Variants in PDE3A observed in about 807,000 individuals in gnomAD.
PDE3A encodes phosphodiesterase 3A, also known as cGMP-inhibited 3',5'-cyclic phosphodiesterase 3A.
A neutral mutation model predicts 98.3 loss-of-function variants in PDE3A; 43 were observed. The ratio of observed to expected loss-of-function variants is 0.44; its 90% CI spans 0.34 to 0.56. PDE3A has a LOEUF of 0.56. PDE3A is among the 20% of genes least tolerant of loss of function. PDE3A has a pLI of 0.01. For missense variants in PDE3A, 1,427 were observed against 1,440.7 expected, an observed-to-expected ratio of 0.99 and a Z score of 0.15; for synonymous variants, 663 against 567.9, an observed-to-expected ratio of 1.17 and a Z score of -2.38.
At chr12:20,471,761 A>AT (rs896687130) in intron 1 of PDE3A, among the ~76,000 whole-genome samples, 3 of 152,132 alleles carry the variant, frequency 2.0e-5, no homozygotes, top group Non-Finnish European at 4.4e-5. Flanking sequence ...TGGGTTTTAG[A>AT]TTTTATACCA....
intron 1 of PDE3A, among the ~76,000 whole-genome samples, chr12:20,396,230 C>T (rs1444639): frequency 0.51 from 77,422 of 151,990 alleles, 20,801 homozygotes; most frequent in Non-Finnish European, 0.59. Flanking sequence ...AAGGTTACCC[C>T]TTTTTGCTGG....
chr12:20,562,859 T>C (rs1942563671), intron 2 of PDE3A, among the ~76,000 whole-genome samples: 1 of 152,188 alleles, frequency 6.6e-6, no homozygotes, highest in Non-Finnish European at 1.5e-5. Context: ...AAATTCTGGT[T>C]TGTATGATTC....
At chr12:20,461,510 A>AAT (rs1277069984) in intron 1 of PDE3A, among the ~76,000 whole-genome samples, 1 of 152,184 alleles carries the variant, frequency 6.6e-6, no homozygotes, top group African/African-American at 2.4e-5. Context: ...TGGAAGCAGT[A>AAT]ATATATATAG....
chr12:20,487,909 A>G (rs1945759421), intron 1 of PDE3A, among the ~76,000 whole-genome samples: 1 of 152,170 alleles, frequency 6.6e-6, no homozygotes, highest in South Asian at 2.1e-4. Context: ...TTTTTCACAC[A>G]GTTTTTAATA....
At chr12:20,675,148 A>G (rs538136452) in intron 15 of PDE3A, among the ~76,000 whole-genome samples, 1 of 152,016 alleles carries the variant, frequency 6.6e-6, no homozygotes, top group South Asian at 2.1e-4. Context: ...TTATTGATTT[A>G]TTCCTTAATT....
chr12:20,412,110 G>C (rs1012772103), intron 1 of PDE3A, among the ~76,000 whole-genome samples: 1 of 152,098 alleles, frequency 6.6e-6, no homozygotes, highest in Non-Finnish European at 1.5e-5. Context: ...TTAGTTACAC[G>C]TGTAATTTTA....
intron 1 of PDE3A, among the ~76,000 whole-genome samples, chr12:20,527,806 A>C (rs2121175014): frequency 6.6e-6 from 1 of 152,028 alleles, no homozygotes; most frequent in East Asian, 1.9e-4. Context: ...CAGGGGCAAA[A>C]CTTTTTTCCC....
At chr12:20,478,103 T>C (rs900090136) in intron 1 of PDE3A, among the ~76,000 whole-genome samples, 12 of 152,334 alleles carry the variant, frequency 7.9e-5, no homozygotes, top group African/African-American at 2.6e-4. Context: ...TTACAGTATT[T>C]ATAATAATAA....
intron 14 of PDE3A, 97 bp from the exon 15 acceptor site, chr12:20,653,850 C>CA (rs1366491656): frequency 7.9e-7 from 1 of 1,258,776 alleles, no homozygotes; most frequent in African/African-American, 1.5e-5. Flanking sequence ...CTTTAGCTGT[C>CA]AAGTAAAGAA....
At chr12:20,403,336 TGTGGTTA>T (rs1483702603) in intron 1 of PDE3A, among the ~76,000 whole-genome samples, 10 of 152,192 alleles carry the variant, frequency 6.6e-5, no homozygotes, top group African/African-American at 2.4e-4. Flanking sequence ...TCCGGTGTGG[TGTGGTTA>T]GCAGGTATCT....
In PDE3A at chr12:20,618,691, G is replaced by T. The variant is rs11045333; in HGVS notation, c.1424+2307G>T. ...AGGGGAACTATGACATAATTGGAGG[G>T]GTAAATTAGATGGAAGAATACAAGT... is the stretch of plus-strand genomic sequence containing the variant. On this transcript the variant is annotated intron_variant, in intron 4 of 15. Coordinates refer to ENST00000359062, the MANE Select transcript of PDE3A (RefSeq NM_000921.5). Among the ~76,000 whole-genome samples the T allele has an allele frequency of 6.2e-4, 95 of 152,002 alleles. 1 individual carries two copies. The East Asian group carries it at 0.015, about 25-fold the overall frequency.
At position 20,626,879 on chromosome 12, in the gene PDE3A, T is replaced by C. The variant is rs183772591; in HGVS notation, c.1541-3029T>C. Among the ~76,000 whole-genome samples the C allele has an allele frequency of 1.3e-3, 201 of 152,294 alleles. 1 individual carries two copies. The highest frequency in any genetic ancestry group is 2.4e-3 in the Non-Finnish European group (160 of 68,030). The stretch of plus-strand genomic sequence containing the variant: ...TTCTCTCTTACAGGTTTATTTTAAA[T>C]TTCATCCCAGGCAGTAAATTTGATG... On this transcript the variant is annotated intron_variant, in intron 5 of 15. Transcript: ENST00000359062.
At chr12:20,526,671 GTGAA>G (rs763436091) in intron 1 of PDE3A, among the ~76,000 whole-genome samples, 89 of 151,920 alleles carry the variant, frequency 5.9e-4, no homozygotes, top group Admixed American at 2.9e-3. Flanking sequence ...TTTTTGAAAA[GTGAA>G]TGGATGCCAG....
chr12:20,379,454 G>C (rs564409800), intron 1 of PDE3A, among the ~76,000 whole-genome samples: 3 of 151,730 alleles, frequency 2.0e-5, no homozygotes, highest in African/African-American at 7.2e-5. Flanking sequence ...TTGAGAATTT[G>C]CTTTCTAGTC....
intron 1 of PDE3A, among the ~76,000 whole-genome samples, chr12:20,412,093 A>G (rs1944344340): frequency 1.3e-5 from 2 of 152,132 alleles, no homozygotes; most frequent in African/African-American, 4.8e-5. Flanking sequence ...AGCCCTGTAT[A>G]GTTCACTTAG....
chr12:20,680,264 A>G lies in PDE3A; in HGVS notation c.3419A>G (p.Asp1140Gly). The change falls in exon 16 of 16, where the codon GAC becomes GGC. Residue 1140 changes from aspartate to glycine, a missense_variant. Transcript: ENST00000359062. ...RGEEIPTQKPDQ is the reference protein window; with the variant it reads ...RGEEIPTQKPGQ ...GAGGAGATACCAACCCAAAAGCCAG[A>G]CCAGTGACAATGGATAGAATGGGCT... 4 of 1,613,934 alleles carry G rather than the reference A, an allele frequency of 2.5e-6. No individual in the cohort carries two copies. Among genetic ancestry groups the G allele is most frequent in the Non-Finnish European group, 3.4e-6 (4 of 1,179,896 alleles).
rs190826000 is a variant in PDE3A, at chr12:20,651,754, T to C, written c.2925+1154T>C. On this transcript the variant is annotated intron_variant, in intron 14 of 15. Coordinates refer to ENST00000359062, the MANE Select transcript of PDE3A (RefSeq NM_000921.5). ...ATGGTTACTATAGGTAGGATTCATA[T>C]ATAGAATGAAAGATTTTTTTTATTT... Among the ~76,000 whole-genome samples, 12 of 117,782 alleles carry C rather than the reference T, an allele frequency of 1.0e-4. No homozygotes were observed. The East Asian group carries it at 2.2e-3, about 22-fold the overall frequency. The allele number at this position is 117,782 out of a possible 152,430, so 77.3% of individuals were successfully genotyped here. A position where few individuals can be genotyped will look rare whatever the true frequency, so the allele number is the denominator to read the frequency against.
At chr12:20,460,858 A>G (rs1945235147) in intron 1 of PDE3A, among the ~76,000 whole-genome samples, 1 of 152,086 alleles carries the variant, frequency 6.6e-6, no homozygotes, top group Non-Finnish European at 1.5e-5. Flanking sequence ...CCATTCACAT[A>G]AGCAAACACT....
intron 1 of PDE3A, among the ~76,000 whole-genome samples, chr12:20,451,401 G>A (rs906574425): frequency 1.3e-5 from 2 of 152,006 alleles, no homozygotes; most frequent in Admixed American, 6.6e-5. Flanking sequence ...AGCCTCCCAA[G>A]TAGCTGGGAT....
Sources: gnomAD v4.1 joint callset for allele counts (sites outside exome capture counted in the v4.1 genomes callset) on GRCh38, gnomAD v4.1.1 for gene constraint, MANE v1.5 for transcripts, NCBI Gene and HGNC (gene_info 2026-07-23, HGNC 2026-07-21) for gene names.